SND1: variants seen among roughly 807,000 people sequenced by gnomAD.
SND1 encodes staphylococcal nuclease and tudor domain containing 1.
Under a neutral mutation model 121.7 loss-of-function variants are expected in SND1, and 38 were observed. That is an observed-to-expected ratio of 0.31 (90% confidence interval 0.24 to 0.41). The LOEUF (loss-of-function observed/expected upper bound fraction) is 0.41. SND1 is among the 10% of genes least tolerant of loss of function. The pLI is 1.00. For synonymous variants in SND1, 401 were observed against 447.4 expected, an observed-to-expected ratio of 0.90 and a Z score of 1.31; for missense variants, 868 against 1,184.6, an observed-to-expected ratio of 0.73 and a Z score of 3.92.
intron 16 of SND1, among the ~76,000 whole-genome samples, chr7:127,996,141 A>T (rs1184493625): frequency 1.2e-5 from 1 of 86,862 alleles, no homozygotes; most frequent in Non-Finnish European, 3.0e-5. Context: ...TCCCTGCTTT[A>T]AAAAAAAAAA....
At chr7:127,789,577 C>T (rs754130536) in intron 10 of SND1, among the ~76,000 whole-genome samples, 2 of 152,172 alleles carry the variant, frequency 1.3e-5, no homozygotes, top group African/African-American at 4.8e-5. Flanking sequence ...ATGCTGACAG[C>T]ACCCAAACAG....
chr7:127,858,460 T>C (rs1799322857), intron 12 of SND1: 1 of 661,760 alleles, frequency 1.5e-6, no homozygotes, highest in African/African-American at 1.8e-5. Context: ...CTTCCAAGTC[T>C]GAGGCCTGGC....
In SND1 at chr7:128,029,576, G is replaced by A. The variant is rs777548258; in HGVS notation, c.1779+38520G>A. Reference sequence around the variant, plus strand: ...TGTTGAGGTCTCGAGGTGCGTCCATGATGAAGGGGGCAGAGCACTGGAAGG... The same window carrying A: ...TGTTGAGGTCTCGAGGTGCGTCCATAATGAAGGGGGCAGAGCACTGGAAGG... On this transcript the variant is annotated intron_variant, in intron 16 of 23. Transcript: ENST00000354725. This position sits in a 1 kb window ranked among gnomAD's most constrained non-coding sequence, Gnocchi z 4.2. The A allele has an allele frequency of 1.5e-5, 25 of 1,613,922 alleles. No homozygotes were observed. Among genetic ancestry groups the A allele is most frequent in the Non-Finnish European group, 2.0e-5 (24 of 1,180,030 alleles).
At chr7:128,073,870 C>T (rs1441591207) in intron 16 of SND1, among the ~76,000 whole-genome samples, 4 of 152,122 alleles carry the variant, frequency 2.6e-5, no homozygotes, top group African/African-American at 7.2e-5. Context: ...CCTTGAGGCC[C>T]GTGGAGATTC....
chr7:127,778,178 C>CTTTATTTATTTAT (rs1554425171), intron 10 of SND1, among the ~76,000 whole-genome samples: 1 of 146,786 alleles, frequency 6.8e-6, no homozygotes, highest in African/African-American at 2.5e-5. Context: ...TTATTTGTGT[C>CTTTATTTATTTAT]TTATTTATTT....
At chr7:128,046,325 G>GT (rs938764873) in intron 16 of SND1, among the ~76,000 whole-genome samples, 7 of 144,320 alleles carry the variant, frequency 4.9e-5, no homozygotes, top group African/African-American at 7.7e-5. Flanking sequence ...GTTTTTTGGG[G>GT]TTTTTTGTTT....
chr7:127,948,346 G>A (rs1801380442), intron 15 of SND1, among the ~76,000 whole-genome samples: 1 of 152,072 alleles, frequency 6.6e-6, no homozygotes, highest in African/African-American at 2.4e-5. Flanking sequence ...TTCTTTCAAG[G>A]GCTAAAATGC....
intron 11 of SND1, among the ~76,000 whole-genome samples, chr7:127,829,364 G>C (rs1005227268): frequency 6.6e-6 from 1 of 152,110 alleles, no homozygotes; most frequent in African/African-American, 2.4e-5. Flanking sequence ...ACCATCCCTT[G>C]AGACACTGAA....
At chr7:127,945,783 A>G (rs975191462) in intron 15 of SND1, among the ~76,000 whole-genome samples, 1 of 152,204 alleles carries the variant, frequency 6.6e-6, no homozygotes, top group African/African-American at 2.4e-5. Flanking sequence ...GAGTACTTAC[A>G]TGCTGTGGAT....
rs142964090 is a variant in SND1 at position 127,975,920 on chromosome 7, A to C, written c.1670-15027A>C. ...AGCATTCTTCCTACGTTCTTCCCAA[A>C]TACCAGTTTCTGATTTGGGTCATTG... On this transcript the variant is annotated intron_variant, in intron 15 of 23. Coordinates refer to ENST00000354725, the MANE Select transcript of SND1 (RefSeq NM_014390.4). Among the ~76,000 whole-genome samples the C allele has an allele frequency of 9.1e-4, 139 of 152,294 alleles. 1 individual carries two copies. Among genetic ancestry groups the C allele is most frequent in the Middle Eastern group, 3.4e-3 (1 of 294 alleles).
At chr7:127,886,605 A>G (rs986592681) in intron 12 of SND1, among the ~76,000 whole-genome samples, 3 of 152,158 alleles carry the variant, frequency 2.0e-5, no homozygotes, top group Non-Finnish European at 2.9e-5. Flanking sequence ...TTCTCCCTCA[A>G]TAATATCATG....
chr7:127,786,428 A>G (rs1328117035), intron 10 of SND1, among the ~76,000 whole-genome samples: 1 of 152,146 alleles, frequency 6.6e-6, no homozygotes, highest in Non-Finnish European at 1.5e-5. Flanking sequence ...CTTGTTAACT[A>G]TGTATTCTGC....
At chr7:127,992,437 T>C (rs904021717) in intron 16 of SND1, among the ~76,000 whole-genome samples, 1 of 152,206 alleles carries the variant, frequency 6.6e-6, no homozygotes, top group African/African-American at 2.4e-5. Context: ...AGAATTTCCC[T>C]CTAATTTTGG....
intron 12 of SND1, among the ~76,000 whole-genome samples, chr7:127,863,576 T>G (rs997191929): frequency 6.6e-6 from 1 of 152,250 alleles, no homozygotes; most frequent in African/African-American, 2.4e-5. Flanking sequence ...GAATGTCATA[T>G]TGGCAGAATC....
intron 16 of SND1, among the ~76,000 whole-genome samples, chr7:128,005,533 G>A (rs1029837338): frequency 2.0e-5 from 3 of 152,164 alleles, no homozygotes; most frequent in African/African-American, 7.2e-5. Flanking sequence ...TCAAGTGATG[G>A]CAAGAAAAAA....
intron 10 of SND1, among the ~76,000 whole-genome samples, chr7:127,786,675 G>A (rs1016497288): frequency 2.0e-5 from 3 of 151,888 alleles, no homozygotes; most frequent in Non-Finnish European, 4.4e-5. Context: ...ACGGAGTTTC[G>A]CTCTGTCGCC....
intron 12 of SND1, among the ~76,000 whole-genome samples, chr7:127,874,648 A>G (rs1349905028): frequency 1.3e-5 from 2 of 151,938 alleles, no homozygotes; most frequent in African/African-American, 2.4e-5. Context: ...TGAAGGAAAC[A>G]TACCTAGATC....
At chr7:127,926,533 C>T (rs1584671864) in intron 14 of SND1, among the ~76,000 whole-genome samples, 1 of 139,758 alleles carries the variant, frequency 7.2e-6, no homozygotes, top group Admixed American at 7.1e-5. Flanking sequence ...TGCTGTATGC[C>T]TTTGATTTTC....
chr7:127,990,918 TCA>T (rs762322761), intron 15 of SND1, 27 bp from the exon 16 acceptor site: 47 of 1,562,864 alleles, frequency 3.0e-5, no homozygotes, highest in Non-Finnish European at 4.1e-5. Context: ...CACCTTTTCA[TCA>T]CAGATTCTAC....
Sources: gnomAD v4.1 joint callset for allele counts (sites outside exome capture counted in the v4.1 genomes callset) on GRCh38, gnomAD v4.1.1 for gene constraint, Gnocchi (gnomAD v3.1) non-coding constraint, MANE v1.5 for transcripts, NCBI Gene and HGNC (gene_info 2026-07-23, HGNC 2026-07-21) for gene names.